CPM: variants seen among roughly 807,000 people sequenced by gnomAD.
The protein encoded by CPM is carboxypeptidase M.
In CPM, 35 loss-of-function variants were observed where a neutral mutation model predicts 46.4. The observed-to-expected ratio is 0.75, with a 90% CI of 0.58 to 1.00. The LOEUF (loss-of-function observed/expected upper bound fraction) is 1.00, where lower values mean the gene tolerates loss of function less well. CPM is among the 50% of genes least tolerant of loss of function. The pLI, the probability that CPM is intolerant of heterozygous loss-of-function variation, is 0.00. For synonymous variants in CPM, 195 were observed against 195.3 expected, an observed-to-expected ratio of 1.00 and a Z score of 0.01; for missense variants, 422 against 530.4, an observed-to-expected ratio of 0.80 and a Z score of 2.01.
At chr12:68,921,166 G>A (rs1888026120) in intron 2 of CPM, among the ~76,000 whole-genome samples, 1 of 144,260 alleles carries the variant, frequency 6.9e-6, no homozygotes, top group African/African-American at 2.6e-5. Context: ...ACAGAGTCTT[G>A]CTCTGTCACC....
chr12:68,853,411 T>TATC lies in CPM; in HGVS notation c.*3023_*3025dup, dbSNP rs567340315. On this transcript the variant is annotated 3_prime_UTR_variant, in exon 9 of 9. Transcript: ENST00000551568. The stretch of plus-strand genomic sequence containing the variant: ...CAGATTATTATGAGTTTTTTTTGGT[T>TATC]ATCATCTATTGCTGCTGCACAAATT... 6.8e-4 allele frequency: 104 copies of TATC among 152,320 alleles called. No homozygotes were observed. Among genetic ancestry groups the TATC allele is most frequent in the African/African-American group, 2.5e-3 (102 of 41,572 alleles). The allele number at this position is 152,320 out of a possible 1,614,324, so 9.4% of individuals were successfully genotyped here. A position where few individuals can be genotyped will look rare whatever the true frequency, so the allele number is the denominator to read the frequency against.
upstream of CPM, among the ~76,000 whole-genome samples, chr12:68,933,595 G>A (rs1330019776): frequency 6.6e-6 from 1 of 152,116 alleles, no homozygotes; most frequent in Non-Finnish European, 1.5e-5. Flanking sequence ...GGCCCACCTG[G>A]AGCCGGGACG....
intron 3 of CPM, among the ~76,000 whole-genome samples, chr12:68,884,183 A>G (rs1339943321): frequency 6.6e-6 from 1 of 151,492 alleles, no homozygotes; most frequent in African/African-American, 2.4e-5. Context: ...ACAAGATAGC[A>G]AAAGGGAAAC....
rs972470583 is a variant in CPM at position 68,924,570 on chromosome 12, C to A, written c.160+8108G>T. 1.3e-4 allele frequency among the ~76,000 whole-genome samples: 20 copies of A among 151,898 alleles called. 1 individual carries two copies. The highest frequency in any genetic ancestry group is 1.0e-3 in the Admixed American group (16 of 15,262). On this transcript the variant is annotated intron_variant, in intron 2 of 8. Coordinates refer to ENST00000551568, the MANE Select transcript of CPM (RefSeq NM_198320.5). The stretch of plus-strand genomic sequence containing the variant: ...AGCTGATAAATGTCTCAGAAAGGTA[C>A]TCTGCGTATTATGTTAAAGGGGAAA...
intron 3 of CPM, among the ~76,000 whole-genome samples, chr12:68,876,916 GT>G (rs1330999419): frequency 1.6e-4 from 8 of 49,716 alleles, no homozygotes; most frequent in African/African-American, 3.7e-4. Flanking sequence ...GTGTGTGTGT[GT>G]GTGAGAGAGA....
chr12:68,951,660 A>G (rs1888937083), intron 1 of CPM, among the ~76,000 whole-genome samples: 1 of 152,176 alleles, frequency 6.6e-6, no homozygotes, highest in African/African-American at 2.4e-5. Flanking sequence ...TGGCCGTGCC[A>G]GCCCCCACCA....
At chr12:68,940,389 T>C (rs1363085462) in intron 1 of CPM, among the ~76,000 whole-genome samples, 1 of 151,540 alleles carries the variant, frequency 6.6e-6, no homozygotes, top group Non-Finnish European at 1.5e-5. Context: ...CATTACAGTA[T>C]CATACAGAAT....
At chr12:68,907,029 T>C (rs939079123) in intron 2 of CPM, among the ~76,000 whole-genome samples, 4 of 152,308 alleles carry the variant, frequency 2.6e-5, no homozygotes, top group Admixed American at 2.0e-4. Flanking sequence ...GCTTCTCCAT[T>C]TTTGACCCCA....
intron 1 of CPM, among the ~76,000 whole-genome samples, chr12:68,942,218 CT>C (rs1367835163): frequency 1.3e-5 from 2 of 152,120 alleles, no homozygotes; most frequent in African/African-American, 2.4e-5. Flanking sequence ...TGCAAGTTGT[CT>C]ATCAAAAACC....
At chr12:68,842,392 C>G in intron 5 of CPM, 1 of 492,398 alleles carries the variant, frequency 2.0e-6, no homozygotes, top group Middle Eastern at 3.1e-4. Context: ...TCCTAAAAAT[C>G]TCATTATCTA....
intron 7 of CPM, among the ~76,000 whole-genome samples, chr12:68,863,142 T>C (rs557698383): frequency 6.6e-6 from 1 of 152,236 alleles, no homozygotes; most frequent in South Asian, 2.1e-4. Flanking sequence ...TTGCCTCCTA[T>C]TTTGGATGTG....
chr12:68,843,581 A>G (rs1883994148), intron 5 of CPM: 1 of 226,878 alleles, frequency 4.4e-6, no homozygotes, highest in South Asian at 1.8e-4. Context: ...TTTTTCTCCC[A>G]TATGTGAATT....
intron 1 of CPM, among the ~76,000 whole-genome samples, chr12:68,945,163 C>A (rs746523063): frequency 6.6e-6 from 1 of 152,128 alleles, no homozygotes; most frequent in Non-Finnish European, 1.5e-5. Flanking sequence ...GAATTCAGGT[C>A]CCTCCAATAA....
chr12:68,923,213 G>GTGTGTT (rs1325481491), intron 2 of CPM, among the ~76,000 whole-genome samples: 1 of 134,094 alleles, frequency 7.5e-6, no homozygotes, highest in African/African-American at 2.8e-5. Flanking sequence ...GTGTGTGTGT[G>GTGTGTT]TTTTGAGTAA....
chr12:68,932,519 C>G (rs1005144145), intron 2 of CPM, among the ~76,000 whole-genome samples, 159 bp downstream of exon 2: 2 of 152,186 alleles, frequency 1.3e-5, no homozygotes, highest in Non-Finnish European at 2.9e-5. Context: ...TTCCTCCCAA[C>G]AAAAGCAGAA....
intron 1 of CPM, among the ~76,000 whole-genome samples, chr12:68,941,354 T>C (rs1248188786): frequency 3.9e-5 from 6 of 152,060 alleles, no homozygotes; most frequent in Non-Finnish European, 7.4e-5. Context: ...TAAAACTTAT[T>C]TTACATTATT....
At chr12:68,874,565 G>A (rs973877257) in intron 3 of CPM, among the ~76,000 whole-genome samples, 6 of 152,024 alleles carry the variant, frequency 3.9e-5, no homozygotes, top group Admixed American at 1.3e-4. Flanking sequence ...GCAATGAGCC[G>A]AGATCGCGCC....
intron 2 of CPM, among the ~76,000 whole-genome samples, chr12:68,896,466 G>C (rs1886880682): frequency 6.6e-6 from 1 of 152,224 alleles, no homozygotes; most frequent in African/African-American, 2.4e-5. Flanking sequence ...TGTTTGCTGA[G>C]TGAATGGATG....
At chr12:68,881,477 T>C (rs549627125) in intron 3 of CPM, among the ~76,000 whole-genome samples, 91 of 152,228 alleles carry the variant, frequency 6.0e-4, no homozygotes, top group Non-Finnish European at 1.1e-3. Flanking sequence ...TTGAGGACAA[T>C]TGGAGAAACT....
Sources: allele counts gnomAD v4.1 joint callset (sites outside exome capture counted in the v4.1 genomes callset), GRCh38; gene constraint gnomAD v4.1.1; transcripts MANE v1.5; gene names NCBI Gene and HGNC (gene_info 2026-07-23, HGNC 2026-07-21).